The following DLG2 variants were observed in gnomAD, a reference collection of about 807,000 sequenced individuals.
The protein encoded by DLG2 is disks large homolog 2.
A neutral mutation model predicts 132.5 loss-of-function variants in DLG2; 45 were observed. The observed-to-expected ratio is 0.34, with a 90% confidence interval of 0.27 to 0.44. The LOEUF (loss-of-function observed/expected upper bound fraction) is 0.44. DLG2 is among the 20% of genes least tolerant of loss of function. The pLI is 1.00. For missense variants in DLG2, 1,045 were observed against 1,196.9 expected (o/e 0.87, Z 1.87); for synonymous variants, 424 against 419.6 (o/e 1.01, Z -0.13).
intron 7 of DLG2, among the ~76,000 whole-genome samples, chr11:84,287,734 T>C (rs2097924328): frequency 8.9e-6 from 1 of 112,916 alleles, no homozygotes; most frequent in Non-Finnish European, 1.8e-5. Context: ...TATTTTTCTC[T>C]CTCTTAGACA....
chr11:83,782,045 C>T (rs908541967), intron 18 of DLG2, among the ~76,000 whole-genome samples: 1 of 152,112 alleles, frequency 6.6e-6, no homozygotes, highest in Admixed American at 6.5e-5. Context: ...TTCAAAACAA[C>T]AGCTGTAGAT....
At chr11:84,881,930 T>C (rs189441608) in intron 6 of DLG2, among the ~76,000 whole-genome samples, 157 of 152,236 alleles carry the variant, frequency 1.0e-3, no homozygotes, top group Non-Finnish European at 2.0e-3. Context: ...TCAGCACATA[T>C]TCTACCTTTT....
chr11:83,965,587 TA>T (rs2154159919), intron 12 of DLG2, 119 bp from the exon 13 acceptor site: 1 of 776,526 alleles, frequency 1.3e-6, no homozygotes, highest in East Asian at 2.7e-5. Context: ...ATCCTTGACA[TA>T]ACAGATGAAT....
intron 3 of DLG2, among the ~76,000 whole-genome samples, chr11:85,320,898 C>T (rs532602444): frequency 6.6e-6 from 1 of 151,096 alleles, no homozygotes; most frequent in Non-Finnish European, 1.5e-5. Flanking sequence ...ATTGTTTAGA[C>T]CTTTGGATTT....
chr11:83,891,888 C>T (rs1411554721), intron 15 of DLG2, among the ~76,000 whole-genome samples: 1 of 152,128 alleles, frequency 6.6e-6, no homozygotes, highest in African/African-American at 2.4e-5. Context: ...TTGTATTAGC[C>T]TCATGGAAAA....
chr11:84,404,254 C>T (rs2098840778), intron 7 of DLG2, among the ~76,000 whole-genome samples: 2 of 152,054 alleles, frequency 1.3e-5, no homozygotes, highest in Non-Finnish European at 2.9e-5. Flanking sequence ...TAAGACATGT[C>T]CTTTTTTGTC....
rs571407055 is a variant in DLG2 at position 84,594,809 on chromosome 11, G to A, written c.358-60078C>T. ...TAGAGCCTACTGCAATTATGGAACTGTTGCAGGTTTCCATGGATACAACTG... is the reference window on the plus strand; with the variant it reads ...TAGAGCCTACTGCAATTATGGAACTATTGCAGGTTTCCATGGATACAACTG... On this transcript the variant is annotated intron_variant, in intron 6 of 27. Transcript: ENST00000376104. 5.9e-5 allele frequency among the ~76,000 whole-genome samples: 9 copies of A among 152,302 alleles called. 1 individual carries two copies. In the South Asian group the frequency reaches 1.9e-3, roughly 32 times the overall value.
intron 15 of DLG2, among the ~76,000 whole-genome samples, chr11:83,923,081 G>A (rs991971056): frequency 6.6e-6 from 1 of 152,068 alleles, no homozygotes. Context: ...AAGAAGGATG[G>A]CTGCTAAGAA....
chr11:83,915,573 T>C (rs2076790649), intron 15 of DLG2, among the ~76,000 whole-genome samples: 1 of 152,164 alleles, frequency 6.6e-6, no homozygotes, highest in African/African-American at 2.4e-5. Context: ...CTGAATAATT[T>C]ATTTGAATAA....
chr11:85,005,548 G>A (rs1441170375), intron 6 of DLG2, among the ~76,000 whole-genome samples: 1 of 152,166 alleles, frequency 6.6e-6, no homozygotes. Context: ...TGGTGTATAG[G>A]AATGCTTGTG....
intron 21 of DLG2, among the ~76,000 whole-genome samples, chr11:83,490,820 A>C (rs1175252601): frequency 6.6e-6 from 1 of 151,982 alleles, no homozygotes; most frequent in Non-Finnish European, 1.5e-5. Context: ...CTAAGGAATC[A>C]TTCTAGATTA....
chr11:84,815,662 G>A (rs2077013365), intron 6 of DLG2, among the ~76,000 whole-genome samples: 1 of 151,998 alleles, frequency 6.6e-6, no homozygotes. Context: ...AAAATTAAGA[G>A]TCTAAGGAAA....
intron 3 of DLG2, among the ~76,000 whole-genome samples, chr11:85,347,698 T>C (rs78006671): frequency 0.025 from 3,807 of 152,028 alleles, 188 homozygotes; most frequent in African/African-American, 0.083. Flanking sequence ...GTTGATTTTT[T>C]AGCAAAACTT....
chr11:84,172,465 T>C (rs2154270386), intron 8 of DLG2, among the ~76,000 whole-genome samples: 1 of 152,196 alleles, frequency 6.6e-6, no homozygotes, highest in South Asian at 2.1e-4. Context: ...GAATGCTAAA[T>C]CATAGCTTCT....
intron 15 of DLG2, among the ~76,000 whole-genome samples, chr11:83,928,286 T>C (rs1238857265): frequency 6.6e-6 from 1 of 152,116 alleles, no homozygotes; most frequent in Non-Finnish European, 1.5e-5. Context: ...TGTACTATAA[T>C]GTTTTTATTT....
chr11:84,045,724 G>A (rs2096228280), intron 11 of DLG2, among the ~76,000 whole-genome samples: 1 of 151,454 alleles, frequency 6.6e-6, no homozygotes, highest in Non-Finnish European at 1.5e-5. Context: ...GAAATTTGTA[G>A]AGAAAATTTA....
At chr11:83,977,933 A>C (rs1350309642) in intron 12 of DLG2, among the ~76,000 whole-genome samples, 3 of 152,056 alleles carry the variant, frequency 2.0e-5, no homozygotes, top group Non-Finnish European at 4.4e-5. Flanking sequence ...TTCAGTGATG[A>C]TATACTGAAA....
intron 7 of DLG2, among the ~76,000 whole-genome samples, chr11:84,283,691 T>C (rs1426587606): frequency 1.3e-5 from 2 of 152,070 alleles, no homozygotes; most frequent in Admixed American, 6.5e-5. Flanking sequence ...TTTTCCTCCA[T>C]AGTATTTACT....
intron 5 of DLG2, among the ~76,000 whole-genome samples, chr11:85,117,367 G>A (rs905661666): frequency 1.3e-5 from 2 of 151,892 alleles, no homozygotes; most frequent in Admixed American, 1.3e-4. Context: ...ACCTCTCTTT[G>A]CATTAGTTAT....
Sources: gnomAD v4.1 joint callset for allele counts (sites outside exome capture counted in the v4.1 genomes callset) on GRCh38, gnomAD v4.1.1 for gene constraint, MANE v1.5 for transcripts, NCBI Gene and HGNC (gene_info 2026-07-23, HGNC 2026-07-21) for gene names.